ESRRG: variants seen among roughly 807,000 people sequenced by gnomAD.
ESRRG encodes the protein estrogen related receptor gamma.
ESRRG carries 13 observed loss-of-function variants against 44.0 expected under a neutral mutation model. The ratio of observed to expected loss-of-function variants is 0.30; its 90% CI spans 0.19 to 0.47. ESRRG has a LOEUF of 0.47. Among genes scored for constraint, ESRRG ranks in the 20% least tolerant of loss-of-function variants. The pLI is 1.00. For missense variants in ESRRG, 395 were observed against 580.6 expected (o/e 0.68, Z 3.29); for synonymous variants, 215 against 214.6 (o/e 1.00, Z -0.02).
intron 1 of ESRRG, among the ~76,000 whole-genome samples, chr1:217,051,206 G>GGGC (rs1553259224): frequency 4.5e-5 from 5 of 110,340 alleles, no homozygotes; most frequent in Non-Finnish European, 6.0e-5. Flanking sequence ...AATGGGGGCG[G>GGGC]GGGGGGGGGG....
At chr1:217,115,314 T>A (rs186400101) in intron 1 of ESRRG, among the ~76,000 whole-genome samples, 3 of 152,280 alleles carry the variant, frequency 2.0e-5, no homozygotes, top group African/African-American at 7.2e-5. Context: ...GCGATAAATG[T>A]CAGCTGACAT....
intron 2 of ESRRG, among the ~76,000 whole-genome samples, chr1:216,875,134 C>T (rs947562740): frequency 3.3e-5 from 5 of 152,132 alleles, no homozygotes; most frequent in Admixed American, 6.5e-5. Context: ...AGCTCCCTTT[C>T]GTATATACAT....
intron 2 of ESRRG, among the ~76,000 whole-genome samples, chr1:216,756,513 G>GATTT (rs1304531761): frequency 6.6e-6 from 1 of 151,932 alleles, no homozygotes; most frequent in East Asian, 1.9e-4. Context: ...AAGAAAATCA[G>GATTT]GTTTTTTCTC....
chr1:217,100,327 C>A (rs2092491554), intron 1 of ESRRG, among the ~76,000 whole-genome samples: 1 of 152,308 alleles, frequency 6.6e-6, no homozygotes, highest in Admixed American at 6.5e-5. Context: ...AGGCTGACCC[C>A]AACACTCTAT....
At chr1:217,026,908 CACACAGAG>C (rs1444119991) in intron 1 of ESRRG, among the ~76,000 whole-genome samples, 27 of 90,766 alleles carry the variant, frequency 3.0e-4, no homozygotes, top group East Asian at 5.9e-4. Flanking sequence ...CACACACACA[CACACAGAG>C]AGAGAGAGAG....
intron 2 of ESRRG, among the ~76,000 whole-genome samples, chr1:216,857,001 C>CT (rs1296463080): frequency 1.3e-5 from 2 of 151,972 alleles, no homozygotes; most frequent in African/African-American, 4.8e-5. Flanking sequence ...TAATATTGCT[C>CT]TTTTTTTTCT....
At chr1:216,697,092 A>G (rs1460620536) in intron 1 of ESRRG, among the ~76,000 whole-genome samples, 1 of 151,862 alleles carries the variant, frequency 6.6e-6, no homozygotes, top group Admixed American at 6.6e-5. Context: ...CAGCCTCCCA[A>G]CTAGCTGGGA....
intron 5 of ESRRG, among the ~76,000 whole-genome samples, chr1:216,529,304 A>G (rs957481196): frequency 7.9e-5 from 12 of 152,124 alleles, no homozygotes; most frequent in African/African-American, 2.9e-4. Context: ...TTTGATATGA[A>G]CTTTGTTTTT....
intron 1 of ESRRG, among the ~76,000 whole-genome samples, chr1:217,135,895 G>T (rs1158743969): frequency 6.6e-6 from 1 of 152,166 alleles, no homozygotes; most frequent in Non-Finnish European, 1.5e-5. Context: ...AGAGGAGCAG[G>T]CGTGCATTTT....
At chr1:216,558,488 A>G (rs2149471928) in intron 5 of ESRRG, among the ~76,000 whole-genome samples, 1 of 152,240 alleles carries the variant, frequency 6.6e-6, no homozygotes, top group South Asian at 2.1e-4. Context: ...ATTTTTATAA[A>G]TTGCTTTTAT....
chr1:216,862,569 C>G (rs1373764406), intron 2 of ESRRG: 1 of 152,054 alleles, frequency 6.6e-6, no homozygotes, highest in Non-Finnish European at 1.5e-5. Context: ...TAAAAAGGAA[C>G]TAACTACTGA....
chr1:216,826,259 A>G (rs1349777735), intron 2 of ESRRG, among the ~76,000 whole-genome samples: 1 of 151,940 alleles, frequency 6.6e-6, no homozygotes, highest in Non-Finnish European at 1.5e-5. Context: ...ATGTCAATGC[A>G]CATTAGATAA....
chr1:216,589,679 G>A (rs752639930), intron 3 of ESRRG, among the ~76,000 whole-genome samples: 4 of 151,952 alleles, frequency 2.6e-5, no homozygotes, highest in Non-Finnish European at 4.4e-5. Context: ...CGAGGCAGGT[G>A]GGTCACTTGA....
At chr1:216,637,801 A>G (rs754751952) in intron 3 of ESRRG, among the ~76,000 whole-genome samples, 3 of 151,886 alleles carry the variant, frequency 2.0e-5, no homozygotes, top group Admixed American at 6.6e-5. Flanking sequence ...TTTTTTGGAT[A>G]CCAATTGCTA....
intron 1 of ESRRG, among the ~76,000 whole-genome samples, chr1:216,998,532 T>G (rs1469187998): frequency 3.3e-5 from 5 of 152,234 alleles, no homozygotes; most frequent in Non-Finnish European, 7.3e-5. Flanking sequence ...TTTGCAAATA[T>G]AAATCCACTT....
At chr1:216,941,621 A>G (rs1255096537) in intron 1 of ESRRG, among the ~76,000 whole-genome samples, 2 of 152,178 alleles carry the variant, frequency 1.3e-5, no homozygotes, top group Admixed American at 1.3e-4. Flanking sequence ...GTGTGGAATC[A>G]GTTCCTGTTA....
intron 2 of ESRRG, among the ~76,000 whole-genome samples, chr1:216,770,929 C>T (rs903341924): frequency 2.0e-5 from 3 of 152,092 alleles, no homozygotes; most frequent in Admixed American, 1.3e-4. Flanking sequence ...TTCACTCATT[C>T]ACTAATTCAT....
At chr1:216,953,020 C>T (rs1436187178) in intron 1 of ESRRG, among the ~76,000 whole-genome samples, 1 of 152,112 alleles carries the variant, frequency 6.6e-6, no homozygotes, top group African/African-American at 2.4e-5. Context: ...AGTATGCACA[C>T]CAAACCACAG....
chr1:216,609,624 T>C (rs1009320799), intron 3 of ESRRG, among the ~76,000 whole-genome samples: 5 of 152,226 alleles, frequency 3.3e-5, no homozygotes, highest in African/African-American at 4.8e-5. Flanking sequence ...TTAAGTCAGA[T>C]TCAATAAAAT....
Sources: allele counts gnomAD v4.1 joint callset (sites outside exome capture counted in the v4.1 genomes callset), GRCh38; gene constraint gnomAD v4.1.1; transcripts MANE v1.5; gene names NCBI Gene and HGNC (gene_info 2026-07-23, HGNC 2026-07-21).